The following LARGE1 variants were observed in gnomAD, a reference collection of about 807,000 sequenced individuals.
The protein encoded by LARGE1 is xylosyl- and glucuronyltransferase LARGE1.
In LARGE1, 43 loss-of-function variants were observed where a neutral mutation model predicts 87.6. The observed-to-expected ratio is 0.49, with a 90% CI of 0.38 to 0.63. The LOEUF (loss-of-function observed/expected upper bound fraction) is 0.63, where lower values mean the gene tolerates loss of function less well. Ranked by LOEUF, LARGE1 falls within the 30% of genes least tolerant of loss-of-function variation. The pLI, the probability that LARGE1 is intolerant of heterozygous loss-of-function variation, is 0.00. For synonymous variants in LARGE1, 434 were observed against 394.6 expected (o/e 1.10, Z -1.18); for missense variants, 802 against 1,000.2 (o/e 0.80, Z 2.67).
At position 33,273,861 on chromosome 22, in the gene LARGE1, C is replaced by T. The variant is rs878945156; in HGVS notation, c.*566G>A. 33 of 382,616 alleles carry T rather than the reference C, an allele frequency of 8.6e-5. No individual in the cohort carries two copies. Among genetic ancestry groups the T allele is most frequent in the Middle Eastern group, 1.3e-3 (2 of 1,498 alleles). 23.7% of individuals were successfully genotyped at this position (382,616 alleles called of 1,614,324 possible). On this transcript the variant is annotated 3_prime_UTR_variant, in exon 15 of 15. Transcript: ENST00000397394. ...TTTGGGGATAAGGAAACCCATCAAC[C>T]CCACCTCCAGGACCCTCTGGTTACA... is the stretch of plus-strand genomic sequence containing the variant.
At chr22:33,843,840 G>A (rs946928996) in intron 1 of LARGE1, among the ~76,000 whole-genome samples, 3 of 152,178 alleles carry the variant, frequency 2.0e-5, no homozygotes, top group Middle Eastern at 6.8e-3. Flanking sequence ...TTTCCTAAGA[G>A]GCCAAGGCGG....
intron 1 of LARGE1, among the ~76,000 whole-genome samples, chr22:33,810,361 G>C (rs2086454077): frequency 1.3e-5 from 2 of 152,110 alleles, no homozygotes; most frequent in Non-Finnish European, 2.9e-5. Context: ...TCCGCTGAAG[G>C]CAACAAAATC....
intron 6 of LARGE1, among the ~76,000 whole-genome samples, chr22:33,559,249 T>C (rs943617355): frequency 6.6e-6 from 1 of 152,228 alleles, no homozygotes; most frequent in African/African-American, 2.4e-5. Context: ...TGGTGTGATC[T>C]TGGCATACTG....
chr22:33,562,072 CA>C (rs1348447245), intron 6 of LARGE1, among the ~76,000 whole-genome samples: 1 of 152,212 alleles, frequency 6.6e-6, no homozygotes, highest in Non-Finnish European at 1.5e-5. Context: ...ATGTCAACGA[CA>C]ATTGCCTTTA....
intron 6 of LARGE1, among the ~76,000 whole-genome samples, chr22:33,535,134 G>C (rs1408747507): frequency 6.6e-6 from 1 of 152,232 alleles, no homozygotes; most frequent in African/African-American, 2.4e-5. Context: ...TCCCCCGTCA[G>C]GGCGTACGCC....
chr22:33,650,483 G>A lies in LARGE1; in HGVS notation c.292C>T (p.His98Tyr). 2.5e-6 allele frequency: 4 copies of A among 1,613,884 alleles called. No homozygotes were observed. The highest frequency in any genetic ancestry group is 3.4e-6 in the Non-Finnish European group (4 of 1,180,012). The change falls in exon 3 of 15, where the codon CAC becomes TAC. Residue 98 changes from histidine (H) to tyrosine (Y), a missense_variant. Physicochemically the swap from His to Tyr is moderately conservative, Grantham distance 83. Transcript: ENST00000397394. ...TCCTCCATGGAGTAGGTCTTGGAGT[G>A]GTTGCCTCGGCGATGGGATGGGGCT... is the stretch of plus-strand genomic sequence containing the variant. ...GRAPSHRRGNHSKTYSMEEGT... is the reference protein window; with the variant it reads ...GRAPSHRRGNYSKTYSMEEGT...
At chr22:33,604,939 T>C (rs1488044226) in intron 4 of LARGE1, among the ~76,000 whole-genome samples, 1 of 151,820 alleles carries the variant, frequency 6.6e-6, no homozygotes, top group East Asian at 2.0e-4. Flanking sequence ...CACAACAATG[T>C]AGTGTAAGTT....
chr22:33,464,354 G>A (rs1373831065), intron 6 of LARGE1, among the ~76,000 whole-genome samples: 1 of 151,986 alleles, frequency 6.6e-6, no homozygotes, highest in Admixed American at 6.6e-5. Context: ...CCAAAAACAT[G>A]TAAGACCGTA....
chr22:33,196,122 G>T (rs1377912319), intron 11 of LARGE1, among the ~76,000 whole-genome samples: 1 of 126,768 alleles, frequency 7.9e-6, no homozygotes, highest in Non-Finnish European at 1.7e-5. Flanking sequence ...TAAACCCAAA[G>T]TAAATTAAAA....
intron 2 of LARGE1, among the ~76,000 whole-genome samples, chr22:33,736,294 C>T (rs1329724520): frequency 2.0e-5 from 3 of 152,340 alleles, no homozygotes; most frequent in Non-Finnish European, 2.9e-5. Flanking sequence ...CATATCCTCT[C>T]TAACACTTGT....
chr22:33,785,811 C>A (rs909587749), intron 1 of LARGE1, among the ~76,000 whole-genome samples: 1 of 151,950 alleles, frequency 6.6e-6, no homozygotes, highest in African/African-American at 2.4e-5. Context: ...CTTGTCAAAG[C>A]CACTTAAAAA....
chr22:33,616,280 G>A lies in LARGE1; in HGVS notation c.491+9964C>T, dbSNP rs202221977. ...CCAGCACTTTGGGAGGCTGAGGTGG[G>A]TGGACCACCTGAGGTCAGGAGTTCA... On this transcript the variant is annotated intron_variant, in intron 4 of 14. Coordinates refer to ENST00000397394, the MANE Select transcript of LARGE1 (RefSeq NM_133642.5). 2.6e-5 allele frequency among the ~76,000 whole-genome samples: 4 copies of A among 152,128 alleles called. No individual in the cohort carries two copies. The East Asian group carries it at 7.7e-4, about 29-fold the overall frequency.
At chr22:33,752,183 C>T (rs1445319804) in intron 2 of LARGE1, among the ~76,000 whole-genome samples, 2 of 152,140 alleles carry the variant, frequency 1.3e-5, no homozygotes, top group Non-Finnish European at 2.9e-5. Flanking sequence ...TCTTTTGTTT[C>T]CACCTACATG....
chr22:33,706,675 A>G (rs1232077742), intron 2 of LARGE1, among the ~76,000 whole-genome samples: 3 of 152,264 alleles, frequency 2.0e-5, no homozygotes, highest in Non-Finnish European at 4.4e-5. Flanking sequence ...GCAAATCCAG[A>G]CAGAAGATAC....
chr22:33,294,525 G>A (rs968646314), intron 12 of LARGE1, among the ~76,000 whole-genome samples: 3 of 152,200 alleles, frequency 2.0e-5, no homozygotes, highest in Non-Finnish European at 4.4e-5. Context: ...GAACAGCACT[G>A]ATTTCTCTCA....
intron 11 of LARGE1, among the ~76,000 whole-genome samples, chr22:33,195,746 T>TC (rs1924032158): frequency 9.5e-6 from 1 of 105,580 alleles, no homozygotes; most frequent in Non-Finnish European, 2.0e-5. Flanking sequence ...TAATTTCTTT[T>TC]TTCTTTTTTC....
chr22:33,711,951 G>A (rs183559780), intron 2 of LARGE1, among the ~76,000 whole-genome samples: 46 of 152,150 alleles, frequency 3.0e-4, no homozygotes, highest in Non-Finnish European at 4.7e-4. Flanking sequence ...GTGAGCCACC[G>A]TGCCTGACCT....
intron 7 of LARGE1, among the ~76,000 whole-genome samples, chr22:33,388,400 C>CTAA (rs2065401467): frequency 1.3e-5 from 2 of 152,196 alleles, no homozygotes; most frequent in Non-Finnish European, 2.9e-5. Context: ...ATTTCTCTTA[C>CTAA]AGTCAGCCAT....
chr22:33,406,255 C>T (rs529065481), intron 7 of LARGE1, among the ~76,000 whole-genome samples: 3 of 152,280 alleles, frequency 2.0e-5, no homozygotes, highest in African/African-American at 7.2e-5. Flanking sequence ...TGGCCACACC[C>T]ATTCCACAGC....
Sources: gnomAD v4.1 joint callset for allele counts (sites outside exome capture counted in the v4.1 genomes callset) on GRCh38, gnomAD v4.1.1 for gene constraint, MANE v1.5 for transcripts, NCBI Gene and HGNC (gene_info 2026-07-23, HGNC 2026-07-21) for gene names.